The following LRRTM4 variants were observed in gnomAD, a reference collection of about 807,000 sequenced individuals.
LRRTM4 encodes leucine-rich repeat transmembrane neuronal protein 4.
LRRTM4 carries 25 observed loss-of-function variants against 47.6 expected under a neutral mutation model. The observed-to-expected ratio is 0.53, with a 90% confidence interval of 0.38 to 0.73. The LOEUF (loss-of-function observed/expected upper bound fraction) is 0.73. Among genes scored for constraint, LRRTM4 ranks in the 30% least tolerant of loss-of-function variants. The pLI is 0.00. For synonymous variants in LRRTM4, 311 were observed against 269.5 expected (o/e 1.15, Z -1.51); for missense variants, 638 against 713.4 (o/e 0.89, Z 1.20).
intron 3 of LRRTM4, among the ~76,000 whole-genome samples, chr2:77,288,499 T>C (rs1676725152): frequency 6.6e-6 from 1 of 151,952 alleles, no homozygotes; most frequent in Non-Finnish European, 1.5e-5. Flanking sequence ...TCTTAGAAGA[T>C]AATATTCATA....
chr2:76,891,521 A>T (rs1324905617), intron 3 of LRRTM4, among the ~76,000 whole-genome samples: 1 of 151,820 alleles, frequency 6.6e-6, no homozygotes, highest in Non-Finnish European at 1.5e-5. Context: ...TCATAGAAAA[A>T]GAAAAAATAC....
chr2:77,345,327 C>T (rs1284856592), intron 3 of LRRTM4, among the ~76,000 whole-genome samples: 1 of 151,578 alleles, frequency 6.6e-6, no homozygotes, highest in Non-Finnish European at 1.5e-5. Flanking sequence ...AAAATTTATG[C>T]TCTGAGAAAT....
chr2:77,226,354 T>G (rs924872210), intron 3 of LRRTM4, among the ~76,000 whole-genome samples: 19 of 151,654 alleles, frequency 1.3e-4, no homozygotes, highest in Admixed American at 1.2e-3. Flanking sequence ...ACAGCTTCTA[T>G]TCTTTTTTAC....
chr2:77,157,358 G>T (rs1672587831), intron 3 of LRRTM4, among the ~76,000 whole-genome samples: 1 of 152,082 alleles, frequency 6.6e-6, no homozygotes, highest in Non-Finnish European at 1.5e-5. Flanking sequence ...GTTAGAATAA[G>T]CTCAGTAGAA....
rs373191322 is a variant in LRRTM4, at chr2:76,990,635, C to CACAGATTCAT, written c.1552-241729_1552-241720dup. ...TACATATGCACTCAACATTGGAGCA[C>CACAGATTCAT]ACAGATTCATAAAACAAATAGGTCT... On this transcript the variant is annotated intron_variant, in intron 3 of 3. Transcript: ENST00000409884. 2.1e-3 allele frequency among the ~76,000 whole-genome samples: 326 copies of CACAGATTCAT among 151,874 alleles called. 7 individuals carry two copies. The highest frequency in any genetic ancestry group is 7.6e-3 in the African/African-American group (316 of 41,488).
At chr2:76,794,787 C>T (rs1457096127) in intron 3 of LRRTM4, among the ~76,000 whole-genome samples, 2 of 151,890 alleles carry the variant, frequency 1.3e-5, no homozygotes, top group Non-Finnish European at 2.9e-5. Flanking sequence ...AAACTGTACC[C>T]ACCAGAGCCA....
chr2:77,270,276 A>G (rs1336853866), intron 3 of LRRTM4, among the ~76,000 whole-genome samples: 2 of 152,152 alleles, frequency 1.3e-5, no homozygotes, highest in Non-Finnish European at 2.9e-5. Flanking sequence ...ATGAAAAGGT[A>G]ATAGGTCTTG....
At chr2:77,325,560 C>T (rs1670736758) in intron 3 of LRRTM4, among the ~76,000 whole-genome samples, 2 of 152,102 alleles carry the variant, frequency 1.3e-5, no homozygotes, top group Admixed American at 6.6e-5. Flanking sequence ...GTCAAGACTC[C>T]TCTTGAAGAT....
intron 3 of LRRTM4, among the ~76,000 whole-genome samples, chr2:77,298,765 A>C (rs1677042966): frequency 6.6e-6 from 1 of 152,354 alleles, no homozygotes; most frequent in African/African-American, 2.4e-5. Flanking sequence ...TCCATTCATC[A>C]GAAAATATCC....
At chr2:76,913,023 G>A (rs923392361) in intron 3 of LRRTM4, among the ~76,000 whole-genome samples, 1 of 152,106 alleles carries the variant, frequency 6.6e-6, no homozygotes, top group African/African-American at 2.4e-5. Context: ...TGATATAGGG[G>A]TCCATTTTCC....
At chr2:76,916,500 T>A (rs1674256919) in intron 3 of LRRTM4, among the ~76,000 whole-genome samples, 1 of 151,938 alleles carries the variant, frequency 6.6e-6, no homozygotes, top group Non-Finnish European at 1.5e-5. Flanking sequence ...ATTTTTAAAG[T>A]TGGAATCCCC....
intron 3 of LRRTM4, among the ~76,000 whole-genome samples, chr2:77,135,809 C>A (rs1040489333): frequency 2.6e-5 from 4 of 151,536 alleles, no homozygotes; most frequent in Non-Finnish European, 5.9e-5. Context: ...AATGTGAAAA[C>A]CACAAGGAAA....
chr2:76,783,622 A>C (rs1573096784), intron 3 of LRRTM4, among the ~76,000 whole-genome samples: 1 of 152,078 alleles, frequency 6.6e-6, no homozygotes, highest in South Asian at 2.1e-4. Context: ...GTTTCTCTGA[A>C]ACTAAACAAG....
At position 77,518,575 on chromosome 2, in the gene LRRTM4, G is replaced by A; in HGVS notation, c.1294C>T (p.Leu432Phe). 1 of 1,613,410 alleles carries A rather than the reference G, an allele frequency of 6.2e-7. No homozygotes were observed. Among genetic ancestry groups the A allele is most frequent in the Non-Finnish European group, 8.5e-7 (1 of 1,179,626 alleles). ...FHKIIAGSVA[L>F]FLSVAMILLV... ...AGGATCATGGCCACTGAGAGAAAGA[G>A]AGCCACACTCCCGGCAATAATTTTG... The change falls in exon 3 of 4, where the codon CTC becomes TTC. Residue 432 changes from leucine to phenylalanine, a missense_variant. By Grantham distance (22) the Leu-to-Phe change is conservative. Transcript: ENST00000409884.
chr2:77,210,371 C>A (rs953812586), intron 3 of LRRTM4, among the ~76,000 whole-genome samples: 3 of 152,224 alleles, frequency 2.0e-5, no homozygotes, highest in Admixed American at 6.5e-5. Flanking sequence ...TAGTTAACAC[C>A]TGAAAAGAAT....
At chr2:76,916,034 A>C (rs1674231441) in intron 3 of LRRTM4, among the ~76,000 whole-genome samples, 1 of 152,288 alleles carries the variant, frequency 6.6e-6, no homozygotes, top group South Asian at 2.1e-4. Flanking sequence ...TTTTCTCAAT[A>C]ATCAGAGATT....
intron 3 of LRRTM4, among the ~76,000 whole-genome samples, chr2:76,955,883 A>G (rs905446897): frequency 2.0e-5 from 3 of 151,784 alleles, no homozygotes; most frequent in East Asian, 1.9e-4. Context: ...CTCCCACTCT[A>G]TGGTAAATTG....
intron 3 of LRRTM4, chr2:77,517,503 A>C: frequency 3.0e-6 from 3 of 985,166 alleles, no homozygotes; most frequent in Non-Finnish European, 3.6e-6. Flanking sequence ...TTGTGACCTG[A>C]TTTTAGTTAC....
intron 3 of LRRTM4, among the ~76,000 whole-genome samples, chr2:77,095,613 C>T (rs1312820515): frequency 6.6e-6 from 1 of 150,886 alleles, no homozygotes; most frequent in Non-Finnish European, 1.5e-5. Context: ...TCAAATGATT[C>T]TCGTGCCTCA....
Sources: gnomAD v4.1 joint callset for allele counts (sites outside exome capture counted in the v4.1 genomes callset) on GRCh38, gnomAD v4.1.1 for gene constraint, MANE v1.5 for transcripts, NCBI Gene and HGNC (gene_info 2026-07-23, HGNC 2026-07-21) for gene names.